COL11A1: variants seen among roughly 807,000 people sequenced by gnomAD.
COL11A1 encodes the protein collagen type XI alpha 1 chain, also known as collagen alpha-1(XI) chain.
COL11A1 carries 74 observed loss-of-function variants against 265.2 expected under a neutral mutation model. That is an observed-to-expected ratio of 0.28 (90% CI 0.23 to 0.34). COL11A1 has a LOEUF of 0.34. Among genes scored for constraint, COL11A1 ranks in the 10% least tolerant of loss-of-function variants. COL11A1 has a pLI of 1.00. For missense variants in COL11A1, 2,165 were observed against 2,263.6 expected (o/e 0.96, Z 0.88); for synonymous variants, 816 against 727.6 (o/e 1.12, Z -1.96).
At chr1:102,944,637 A>G (rs375991833) in intron 42 of COL11A1, among the ~76,000 whole-genome samples, 9 of 152,228 alleles carry the variant, frequency 5.9e-5, no homozygotes, top group African/African-American at 1.4e-4. Flanking sequence ...TTAATTTCTT[A>G]TCGGTTTCAA....
At chr1:102,988,868 TA>T (rs1433614232) in intron 29 of COL11A1, among the ~76,000 whole-genome samples, 1 of 152,150 alleles carries the variant, frequency 6.6e-6, no homozygotes, top group Non-Finnish European at 1.5e-5. Context: ...ATATGGATGT[TA>T]TTGCCCCCAA....
chr1:103,031,199 A>T lies in COL11A1; in HGVS notation c.697T>A (p.Tyr233Asn). ...FLITGDPKAA[Y>N]DYCEHYSPDC... ...GGACTATAATGCTCACAGTAGTCAT[A>T]TGCTGCCTTGGGATCACCTGTGATC... is the stretch of plus-strand genomic sequence containing the variant. Residue 233 changes from tyrosine to asparagine, a missense_variant, in exon 5 of 67, where the codon TAT becomes AAT. Tyr to Asn is a moderately radical substitution (Grantham distance 143, BLOSUM62 -2). Coordinates refer to ENST00000370096, the MANE Select transcript of COL11A1 (RefSeq NM_001854.4). 1 of 1,610,646 alleles carries T rather than the reference A, an allele frequency of 6.2e-7. No individual in the cohort carries two copies.
intron 41 of COL11A1, among the ~76,000 whole-genome samples, chr1:102,947,490 A>G (rs187809655): frequency 1.4e-4 from 22 of 152,264 alleles, no homozygotes; most frequent in Admixed American, 2.6e-4. Context: ...GATAATCACT[A>G]TCCTAAAGTC....
rs1431924692 is a variant in COL11A1 at position 103,108,391 on chromosome 1, G to C, written c.-213C>G. ...CCTCTCCCTCTGAGTTGGCCCCACC[G>C]GCCGGGACCCTCCGGCCGCGACCCT... On this transcript the variant is annotated 5_prime_UTR_variant, in exon 1 of 67. Coordinates refer to ENST00000370096, the MANE Select transcript of COL11A1 (RefSeq NM_001854.4). The C allele has an allele frequency of 8.1e-6, 5 of 616,340 alleles. No homozygotes were observed. The highest frequency in any genetic ancestry group is 1.4e-5 in the Non-Finnish European group (5 of 345,398). The allele number at this position is 616,340 out of a possible 1,614,324, so 38.2% of individuals were successfully genotyped here.
At chr1:103,106,249 C>T (rs1253664823) in intron 1 of COL11A1, among the ~76,000 whole-genome samples, 1 of 152,172 alleles carries the variant, frequency 6.6e-6, no homozygotes, top group Non-Finnish European at 1.5e-5. Flanking sequence ...AAAATAATCC[C>T]TGAATCCATG....
chr1:103,106,267 G>T (rs1674681576), intron 1 of COL11A1, among the ~76,000 whole-genome samples: 1 of 152,142 alleles, frequency 6.6e-6, no homozygotes, highest in Non-Finnish European at 1.5e-5. Context: ...ATGCAAAAGT[G>T]TCTCTCGGAG....
intron 66 of COL11A1, among the ~76,000 whole-genome samples, chr1:102,879,360 T>C (rs1649943669): frequency 6.6e-6 from 1 of 152,268 alleles, no homozygotes; most frequent in Middle Eastern, 3.4e-3. Flanking sequence ...AGGAGGCAAA[T>C]GAAATAAGTG....
chr1:102,993,471 T>A (rs1033346995), intron 28 of COL11A1, among the ~76,000 whole-genome samples: 1 of 152,194 alleles, frequency 6.6e-6, no homozygotes, highest in Admixed American at 6.6e-5. Flanking sequence ...AGAATACTGA[T>A]AATACCTAAG....
At chr1:103,096,746 C>A (rs1673800646) in intron 1 of COL11A1, among the ~76,000 whole-genome samples, 1 of 151,876 alleles carries the variant, frequency 6.6e-6, no homozygotes, top group African/African-American at 2.4e-5. Flanking sequence ...AACAATTGGT[C>A]ATCTCAAATA....
chr1:102,930,285 A>T (rs1286070485), intron 46 of COL11A1, among the ~76,000 whole-genome samples: 2 of 151,788 alleles, frequency 1.3e-5, no homozygotes, highest in African/African-American at 4.8e-5. Context: ...TAATTTATTG[A>T]GAGTTTTTAG....
intron 58 of COL11A1, among the ~76,000 whole-genome samples, chr1:102,889,871 C>T (rs571050239): frequency 6.6e-6 from 1 of 152,074 alleles, no homozygotes; most frequent in African/African-American, 2.4e-5. Context: ...TAATGATCTC[C>T]TATAATATAA....
intron 41 of COL11A1, 92 bp downstream of exon 41, chr1:102,961,774 C>T (rs1660929004): frequency 2.5e-6 from 3 of 1,192,886 alleles, no homozygotes; most frequent in East Asian, 2.4e-5. Context: ...TTTTCTCTCC[C>T]ACACACTGTG....
In COL11A1 at chr1:103,004,341, T is replaced by C. The variant is rs186583987; in HGVS notation, c.1944+103A>G. ...ATTATCTGGTTAGCTTAGCTAAGAC[T>C]GCAATGTTTACCTGGGTTTATCATT... On this transcript the variant is annotated intron_variant, in intron 20 of 66. Transcript: ENST00000370096. The C allele has an allele frequency of 3.7e-4, 316 of 851,440 alleles. 3 individuals are homozygous for C. The African/African-American group carries it at 4.0e-3, about 11-fold the overall frequency. 52.7% of individuals were successfully genotyped at this position (851,440 alleles called of 1,614,324 possible). A position where few individuals can be genotyped will look rare whatever the true frequency, so the allele number is the denominator to read the frequency against.
At chr1:103,066,221 C>T (rs1671134817) in intron 4 of COL11A1, among the ~76,000 whole-genome samples, 1 of 151,686 alleles carries the variant, frequency 6.6e-6, no homozygotes, top group Admixed American at 6.6e-5. Context: ...ACAGAAATAA[C>T]AAATATTTAC....
At chr1:102,975,908 A>T (rs1662420954) in intron 35 of COL11A1, among the ~76,000 whole-genome samples, 1 of 152,098 alleles carries the variant, frequency 6.6e-6, no homozygotes, top group Admixed American at 6.6e-5. Context: ...AGTTTTTATT[A>T]TTACCAGCAT....
chr1:103,063,045 A>G (rs1317226722), intron 4 of COL11A1, among the ~76,000 whole-genome samples: 1 of 151,980 alleles, frequency 6.6e-6, no homozygotes, highest in African/African-American at 2.4e-5. Flanking sequence ...AGAAAACTAC[A>G]AAACTCTGAT....
chr1:102,896,337 T>G (rs1053198629), intron 57 of COL11A1, among the ~76,000 whole-genome samples: 4 of 152,168 alleles, frequency 2.6e-5, no homozygotes, highest in Non-Finnish European at 5.9e-5. Context: ...AAGTTACTTC[T>G]CATTCTGATT....
At chr1:102,967,227 C>CTTTTTTTTTTTTTTTTTTTTTTT (rs35303945) in intron 37 of COL11A1, among the ~76,000 whole-genome samples, 1 of 52,754 alleles carries the variant, frequency 1.9e-5, no homozygotes, top group African/African-American at 8.0e-5. Flanking sequence ...ATAATAAATT[C>CTTTTTTTTTTTTTTTTTTTTTTT]TTTTTTTTTT....
intron 54 of COL11A1, among the ~76,000 whole-genome samples, chr1:102,904,619 A>G (rs1204860852): frequency 1.3e-5 from 2 of 151,962 alleles, no homozygotes; most frequent in Admixed American, 1.3e-4. Context: ...AAAACACATG[A>G]AAAAATGCTC....
Sources: allele counts gnomAD v4.1 joint callset (sites outside exome capture counted in the v4.1 genomes callset), GRCh38; gene constraint gnomAD v4.1.1; transcripts MANE v1.5; gene names NCBI Gene and HGNC (gene_info 2026-07-23, HGNC 2026-07-21).